The following PPP2R2B variants were observed in gnomAD, a reference collection of about 807,000 sequenced individuals.
PPP2R2B encodes serine/threonine-protein phosphatase 2A 55 kDa regulatory subunit B beta isoform.
In PPP2R2B, 5 loss-of-function variants were observed where a neutral mutation model predicts 46.0. The observed-to-expected ratio is 0.11, with a 90% confidence interval of 0.06 to 0.23. The LOEUF is 0.23. Among genes scored for constraint, PPP2R2B ranks in the 10% least tolerant of loss-of-function variants. PPP2R2B has a pLI of 1.00. For synonymous variants in PPP2R2B, 215 were observed against 206.7 expected (o/e 1.04, Z -0.34); for missense variants, 367 against 575.0 (o/e 0.64, Z 3.70).
chr5:146,844,485 C>T (rs1328368046), intron 2 of PPP2R2B, among the ~76,000 whole-genome samples: 4 of 152,258 alleles, frequency 2.6e-5, no homozygotes, highest in African/African-American at 9.6e-5. Context: ...TTGGCAGGAC[C>T]CTCAGCAAGA....
intron 2 of PPP2R2B, among the ~76,000 whole-genome samples, chr5:146,737,596 CT>C (rs199687353): frequency 6.6e-6 from 1 of 151,812 alleles, no homozygotes; most frequent in African/African-American, 2.4e-5. Context: ...ATCCATTCCG[CT>C]TTTTTTTGCC....
intron 6 of PPP2R2B, among the ~76,000 whole-genome samples, chr5:146,649,233 A>G (rs924480830): frequency 2.0e-5 from 3 of 152,196 alleles, no homozygotes; most frequent in Admixed American, 6.5e-5. Flanking sequence ...AGAAAACTCC[A>G]TATTGATACC....
intron 1 of PPP2R2B, among the ~76,000 whole-genome samples, chr5:146,895,226 C>T (rs1762608353): frequency 6.6e-6 from 1 of 152,188 alleles, no homozygotes; most frequent in African/African-American, 2.4e-5. Flanking sequence ...CAGTTAATAT[C>T]TCTTTATCCT....
intron 2 of PPP2R2B, among the ~76,000 whole-genome samples, chr5:146,800,564 G>T (rs1756798584): frequency 8.1e-6 from 1 of 124,112 alleles, no homozygotes; most frequent in Admixed American, 1.1e-4. Context: ...TAAATACCCT[G>T]ATGGTATTTT....
At chr5:146,623,883 C>T (rs1773867068) in intron 7 of PPP2R2B, among the ~76,000 whole-genome samples, 1 of 152,108 alleles carries the variant, frequency 6.6e-6, no homozygotes. Flanking sequence ...GCAGATCTCA[C>T]AATTCAGTTA....
chr5:146,596,296 G>C (rs1363727407), intron 8 of PPP2R2B, among the ~76,000 whole-genome samples: 1 of 152,212 alleles, frequency 6.6e-6, no homozygotes, highest in East Asian at 1.9e-4. Flanking sequence ...ATTGAGATCT[G>C]TGAATGCATG....
intron 2 of PPP2R2B, among the ~76,000 whole-genome samples, chr5:146,797,154 T>A (rs573095662): frequency 6.6e-6 from 1 of 152,208 alleles, no homozygotes; most frequent in African/African-American, 2.4e-5. Context: ...GGCTCTTACA[T>A]ACCCCTTTTC....
At chr5:146,903,208 A>G (rs1014009291) in intron 1 of PPP2R2B, among the ~76,000 whole-genome samples, 2 of 152,146 alleles carry the variant, frequency 1.3e-5, no homozygotes, top group Non-Finnish European at 2.9e-5. Flanking sequence ...TATTATTGTT[A>G]TTTTTAATTG....
At chr5:146,824,113 C>T (rs920584578) in intron 2 of PPP2R2B, among the ~76,000 whole-genome samples, 2 of 152,296 alleles carry the variant, frequency 1.3e-5, no homozygotes, top group East Asian at 3.9e-4. Context: ...GGAAGCTACA[C>T]AAAGTAGGAT....
intron 5 of PPP2R2B, among the ~76,000 whole-genome samples, chr5:146,687,077 G>A (rs1561832869): frequency 6.6e-6 from 1 of 151,158 alleles, no homozygotes; most frequent in African/African-American, 2.4e-5. Flanking sequence ...GTGGGGGGAG[G>A]GAGAGAGAGG....
At chr5:146,749,611 T>C (rs562357861) in intron 2 of PPP2R2B, among the ~76,000 whole-genome samples, 93 of 146,106 alleles carry the variant, frequency 6.4e-4, no homozygotes, top group Admixed American at 3.5e-3. Flanking sequence ...CTTTTCTTTT[T>C]TTTTTTTTTT....
chr5:146,812,813 A>ATATG (rs1757693551), intron 2 of PPP2R2B, among the ~76,000 whole-genome samples: 2 of 67,708 alleles, frequency 3.0e-5, no homozygotes, highest in Non-Finnish European at 5.7e-5. Context: ...ATATATATAT[A>ATATG]TATATATATA....
At chr5:146,673,992 C>G (rs1777545604) in intron 5 of PPP2R2B, among the ~76,000 whole-genome samples, 1 of 152,160 alleles carries the variant, frequency 6.6e-6, no homozygotes, top group Non-Finnish European at 1.5e-5. Context: ...CAAATAAACT[C>G]TGACCATACG....
At chr5:146,658,848 C>A (rs1030078139) in intron 5 of PPP2R2B, among the ~76,000 whole-genome samples, 4 of 152,190 alleles carry the variant, frequency 2.6e-5, no homozygotes, top group Admixed American at 6.5e-5. Context: ...TTATGAGATG[C>A]ATTTCTAATA....
At chr5:146,841,372 T>C (rs1759630034) in intron 2 of PPP2R2B, among the ~76,000 whole-genome samples, 1 of 152,116 alleles carries the variant, frequency 6.6e-6, no homozygotes, top group South Asian at 2.1e-4. Flanking sequence ...TCCAACTAGC[T>C]TCCACTGCCT....
At chr5:146,677,027 A>G (rs572159507) in intron 5 of PPP2R2B, among the ~76,000 whole-genome samples, 1 of 141,958 alleles carries the variant, frequency 7.0e-6, no homozygotes, top group African/African-American at 2.9e-5. Flanking sequence ...CTCTAACCTT[A>G]TAACTCCTGA....
At chr5:146,896,514 A>C (rs578042972) in intron 1 of PPP2R2B, among the ~76,000 whole-genome samples, 2 of 152,344 alleles carry the variant, frequency 1.3e-5, no homozygotes, top group East Asian at 3.9e-4. Flanking sequence ...AAAGAATCAA[A>C]GTGCCATAAT....
At chr5:146,845,759 C>G (rs1759962549) in intron 2 of PPP2R2B, among the ~76,000 whole-genome samples, 1 of 152,164 alleles carries the variant, frequency 6.6e-6, no homozygotes, top group African/African-American at 2.4e-5. Context: ...AGTATGTACA[C>G]TAAATTCTGT....
At chr5:146,691,880 A>G (rs750294) in intron 4 of PPP2R2B, among the ~76,000 whole-genome samples, 34,531 of 151,982 alleles carry the variant, frequency 0.23, 4,864 homozygotes, top group African/African-American at 0.41. Context: ...TCTTTTTCGT[A>G]TAATTTGCTC....
Sources: gnomAD v4.1 joint callset for allele counts (sites outside exome capture counted in the v4.1 genomes callset) on GRCh38, gnomAD v4.1.1 for gene constraint, MANE v1.5 for transcripts, NCBI Gene and HGNC (gene_info 2026-07-23, HGNC 2026-07-21) for gene names.